Variants in MIB1 observed in about 807,000 individuals in gnomAD.
MIB1 encodes the protein MIB E3 ubiquitin protein ligase 1, also known as E3 ubiquitin-protein ligase MIB1.
Under a neutral mutation model 124.5 loss-of-function variants are expected in MIB1, and 278 were observed. The observed-to-expected ratio is 2.23, with a 90% CI of 2.02 to 2.47. The LOEUF (loss-of-function observed/expected upper bound fraction) is 2.47. MIB1 is among the 30% of genes most tolerant of loss of function. The probability of loss-of-function intolerance (pLI) is 0.00; values close to 1 mark genes in which losing one functional copy is unlikely to be tolerated. For missense variants in MIB1, 957 were observed against 1,254.4 expected, an observed-to-expected ratio of 0.76 and a Z score of 3.58; for synonymous variants, 446 against 429.4, an observed-to-expected ratio of 1.04 and a Z score of -0.48.
At chr18:21,840,531 G>A (rs1260289278) in intron 13 of MIB1, among the ~76,000 whole-genome samples, 1 of 151,662 alleles carries the variant, frequency 6.6e-6, no homozygotes, top group Admixed American at 6.6e-5. Flanking sequence ...ACTCATGCCT[G>A]TAATCCCAGC....
rs747928694 is a variant in MIB1 at position 21,815,984 on chromosome 18, GT to G, written c.1677+180del. 2.7e-5 allele frequency among the ~76,000 whole-genome samples: 4 copies of G among 150,848 alleles called. No homozygotes were observed. The South Asian group carries it at 6.3e-4, about 24-fold the overall frequency. Reference sequence around the variant, plus strand: ...GCAGCTATTTCTTTTTTAAAAAGTTGTTTTTTTTTAGGGAAAATGCCAATAG... The same window carrying G: ...GCAGCTATTTCTTTTTTAAAAAGTTGTTTTTTTTAGGGAAAATGCCAATAG... On this transcript the variant is annotated intron_variant, in intron 11 of 20. Coordinates refer to ENST00000261537, the MANE Select transcript of MIB1 (RefSeq NM_020774.4).
intron 12 of MIB1, among the ~76,000 whole-genome samples, chr18:21,832,579 T>C (rs533430049): frequency 6.6e-6 from 1 of 152,176 alleles, no homozygotes; most frequent in Non-Finnish European, 1.5e-5. Flanking sequence ...TATACCTTGT[T>C]TTTTAATCCA....
intron 1 of MIB1, among the ~76,000 whole-genome samples, chr18:21,749,869 C>T (rs752558161): frequency 1.1e-4 from 16 of 151,664 alleles, no homozygotes; most frequent in Non-Finnish European, 1.9e-4. Context: ...CTCGAACTCC[C>T]GACCTCAGGT....
intron 10 of MIB1, among the ~76,000 whole-genome samples, chr18:21,814,833 C>T (rs2041810218): frequency 6.6e-6 from 1 of 150,964 alleles, no homozygotes; most frequent in Non-Finnish European, 1.5e-5. Flanking sequence ...CTTGGCCTCC[C>T]AAAGTGCTGG....
At chr18:21,838,614 C>G in intron 13 of MIB1, 117 bp downstream of exon 13, 1 of 719,184 alleles carries the variant, frequency 1.4e-6, no homozygotes, top group South Asian at 2.4e-5. Context: ...CCAGTAAAAC[C>G]TCATGATGAT....
chr18:21,707,002 C>A (rs2040641727), intron 1 of MIB1, among the ~76,000 whole-genome samples: 2 of 152,146 alleles, frequency 1.3e-5, no homozygotes, highest in African/African-American at 4.8e-5. Flanking sequence ...ACTTGGAGAA[C>A]CTTTATGTCT....
At chr18:21,744,622 T>C (rs2146378228) in intron 1 of MIB1, among the ~76,000 whole-genome samples, 1 of 152,342 alleles carries the variant, frequency 6.6e-6, no homozygotes, top group Middle Eastern at 3.4e-3. Context: ...CTTTAGTCAG[T>C]GTCAAAGTAA....
chr18:21,757,465 A>AAG (rs2041046578), intron 1 of MIB1, among the ~76,000 whole-genome samples: 1 of 145,308 alleles, frequency 6.9e-6, no homozygotes, highest in African/African-American at 2.5e-5. Context: ...AAAAAAAAAA[A>AAG]AAAAAAAAAA....
intron 9 of MIB1, among the ~76,000 whole-genome samples, chr18:21,802,399 A>G (rs1312166577): frequency 6.9e-6 from 1 of 145,304 alleles, no homozygotes; most frequent in African/African-American, 2.6e-5. Context: ...TCTTTCCTCC[A>G]CTCCTTTTCT....
At position 21,799,953 on chromosome 18, in the gene MIB1, G is replaced by C; in HGVS notation, c.1350G>C (p.Leu450Phe). 1 of 1,611,648 alleles carries C rather than the reference G, an allele frequency of 6.2e-7. No homozygotes were observed. The highest frequency in any genetic ancestry group is 8.5e-7 in the Non-Finnish European group (1 of 1,178,372). The change falls in exon 9 of 21, where the codon TTG (leucine) becomes TTC (phenylalanine). Residue 450 changes from leucine to phenylalanine, a missense_variant. Transcript: ENST00000261537. Reference sequence around the variant, plus strand: ...GAGATGTTGCTAAAGTGGAAGATTTGCTTAAAAGACCAGATGTGGATGTGA... The same window carrying C: ...GAGATGTTGCTAAAGTGGAAGATTTCCTTAAAAGACCAGATGTGGATGTGA... ...ANGDVAKVED[L>F]LKRPDVDVNG...
chr18:21,801,896 C>T (rs999956978), intron 9 of MIB1, among the ~76,000 whole-genome samples: 2 of 152,116 alleles, frequency 1.3e-5, no homozygotes, highest in African/African-American at 4.8e-5. Flanking sequence ...TGAGGGTTCC[C>T]TTCTCTTCTC....
intron 2 of MIB1, among the ~76,000 whole-genome samples, chr18:21,767,112 C>G (rs2041170439): frequency 6.6e-6 from 1 of 152,010 alleles, no homozygotes; most frequent in African/African-American, 2.4e-5. Context: ...AAATCCAGAC[C>G]ACAGATGTAT....
At chr18:21,712,721 T>C (rs1392105221) in intron 1 of MIB1, among the ~76,000 whole-genome samples, 1 of 152,188 alleles carries the variant, frequency 6.6e-6, no homozygotes, top group Non-Finnish European at 1.5e-5. Flanking sequence ...ACTTCAGCCT[T>C]GTGAGCCCCT....
At position 21,706,987 on chromosome 18, in the gene MIB1, T is replaced by C. The variant is rs538739942; in HGVS notation, n.167+1864T>C. 5.7e-4 allele frequency among the ~76,000 whole-genome samples: 87 copies of C among 152,320 alleles called. 1 individual carries two copies. Among genetic ancestry groups the C allele is most frequent in the Non-Finnish European group, 1.8e-4 (12 of 68,024 alleles). On this transcript the variant is annotated intron_variant and non_coding_transcript_variant, in intron 1 of 20. Coordinates refer to the MIB1 transcript ENST00000578646. Reference sequence around the variant, plus strand: ...AAGCCAGCTGGGCTCCTGAGTCTAGTGGGGACTTGGAGAACCTTTATGTCT... The same window carrying C: ...AAGCCAGCTGGGCTCCTGAGTCTAGCGGGGACTTGGAGAACCTTTATGTCT...
chr18:21,863,540 A>C (rs534284739), intron 20 of MIB1, among the ~76,000 whole-genome samples: 1 of 147,584 alleles, frequency 6.8e-6, no homozygotes, highest in African/African-American at 2.7e-5. Flanking sequence ...CCCTGAAGTT[A>C]AGCCATCTCT....
intron 16 of MIB1, among the ~76,000 whole-genome samples, chr18:21,847,357 A>G (rs1183190194): frequency 6.6e-6 from 1 of 152,166 alleles, no homozygotes; most frequent in African/African-American, 2.4e-5. Flanking sequence ...TCTATACTTA[A>G]TAAGTTCTGA....
intron 3 of MIB1, among the ~76,000 whole-genome samples, chr18:21,770,732 T>C (rs1198165933): frequency 6.6e-6 from 1 of 152,136 alleles, no homozygotes; most frequent in Non-Finnish European, 1.5e-5. Flanking sequence ...TTAAGCTCTT[T>C]ATTATGGAGT....
rs773207712 is a variant in MIB1 at position 21,844,229 on chromosome 18, T to C, written c.2187T>C (p.Ala729=). 1 of 1,614,182 alleles carries C rather than the reference T, an allele frequency of 6.2e-7. No homozygotes were observed. Among genetic ancestry groups the C allele is most frequent in the Non-Finnish European group, 8.5e-7 (1 of 1,180,020 alleles). Residue 729 remains alanine, a synonymous_variant, in exon 15 of 21, where the codon GCT becomes GCC. Transcript: ENST00000261537. ...TGCAAGATGTGGGGAAGGTGGATGCTGCCTGGGAGCCATCCAAAAACACGG... is the reference window on the plus strand; with the variant it reads ...TGCAAGATGTGGGGAAGGTGGATGCCGCCTGGGAGCCATCCAAAAACACGG... ...QDMQDVGKVD[A]AWEPSKNTLI... is the part of the protein sequence containing the mutation.
chr18:21,750,486 C>T (rs563383007), intron 1 of MIB1, among the ~76,000 whole-genome samples: 1 of 152,314 alleles, frequency 6.6e-6, no homozygotes, highest in Non-Finnish European at 1.5e-5. Flanking sequence ...TGCCACCATG[C>T]CCCGCTAACT....
Sources: allele counts gnomAD v4.1 joint callset (sites outside exome capture counted in the v4.1 genomes callset), GRCh38; gene constraint gnomAD v4.1.1; transcripts MANE v1.5; gene names NCBI Gene and HGNC (gene_info 2026-07-23, HGNC 2026-07-21).